Variants in DCP2 observed in about 807,000 individuals in gnomAD.
The protein encoded by DCP2 is m7GpppN-mRNA hydrolase.
In DCP2, 30 loss-of-function variants were observed where a neutral mutation model predicts 56.1. That is an observed-to-expected ratio of 0.53 (90% CI 0.40 to 0.73). DCP2 has a LOEUF of 0.73. Ranked by LOEUF, DCP2 falls within the 30% of genes least tolerant of loss-of-function variation. The probability of loss-of-function intolerance (pLI) is 0.00; values close to 1 mark genes in which losing one functional copy is unlikely to be tolerated. For synonymous variants in DCP2, 197 were observed against 163.3 expected, an observed-to-expected ratio of 1.21 and a Z score of -1.57; for missense variants, 533 against 502.7, an observed-to-expected ratio of 1.06 and a Z score of -0.58.
intron 1 of DCP2, among the ~76,000 whole-genome samples, chr5:112,978,635 G>T (rs1315072077): frequency 6.6e-6 from 1 of 151,552 alleles, no homozygotes; most frequent in Non-Finnish European, 1.5e-5. Context: ...TTGAAGTATG[G>T]TAGATTCAAA....
chr5:113,001,767 GA>G, intron 7 of DCP2, 93 bp downstream of exon 7: 1 of 1,208,900 alleles, frequency 8.3e-7, no homozygotes, highest in Non-Finnish European at 1.2e-6. Flanking sequence ...GAGGATGTAA[GA>G]TTTCTTTTTA....
At chr5:112,996,328 C>A (rs182760294) in intron 4 of DCP2, among the ~76,000 whole-genome samples, 4 of 152,112 alleles carry the variant, frequency 2.6e-5, no homozygotes, top group African/African-American at 4.8e-5. Flanking sequence ...CTTTTCATTT[C>A]CACTTGTATT....
chr5:112,980,455 G>T (rs909827467), intron 1 of DCP2, among the ~76,000 whole-genome samples: 1 of 152,168 alleles, frequency 6.6e-6, no homozygotes, highest in East Asian at 1.9e-4. Context: ...CTAATGTCCT[G>T]TTTGTAGGAA....
intron 1 of DCP2, among the ~76,000 whole-genome samples, chr5:112,982,149 A>G (rs555859601): frequency 1.3e-3 from 193 of 151,938 alleles, no homozygotes; most frequent in African/African-American, 3.9e-3. Context: ...TTTTTGCTTC[A>G]CATTTGGACT....
At chr5:112,977,510 C>G (rs557059758) in intron 1 of DCP2, among the ~76,000 whole-genome samples, 2 of 152,208 alleles carry the variant, frequency 1.3e-5, no homozygotes, top group African/African-American at 2.4e-5. Context: ...CCGTGGCGTT[C>G]TCTGTAAATT....
intron 8 of DCP2, among the ~76,000 whole-genome samples, 168 bp from the exon 9 acceptor site, chr5:113,007,770 C>A (rs896424229): frequency 6.6e-6 from 1 of 152,148 alleles, no homozygotes; most frequent in Non-Finnish European, 1.5e-5. Context: ...CTTTGGGAAG[C>A]ACTGACTTCT....
Position 113,018,365 on chromosome 5 carries a change from T to C in DCP2, c.*4881T>C, listed in dbSNP as rs1208286919. On this transcript the variant is annotated 3_prime_UTR_variant, in exon 11 of 11. Coordinates refer to ENST00000389063, the MANE Select transcript of DCP2 (RefSeq NM_152624.6). ...GTAATGAAATCACCAATAAAAACAT[T>C]CCATTTATCTTGGATCTTCTGTGGT... 1 of 152,180 alleles carries C rather than the reference T, an allele frequency of 6.6e-6. No homozygotes were observed. The highest frequency in any genetic ancestry group is 2.4e-5 in the African/African-American group (1 of 41,456). The allele number at this position is 152,180 out of a possible 1,614,324, so 9.4% of individuals were successfully genotyped here.
intron 2 of DCP2, among the ~76,000 whole-genome samples, chr5:112,988,251 G>C (rs1050085026): frequency 6.6e-6 from 1 of 151,626 alleles, no homozygotes; most frequent in African/African-American, 2.4e-5. Flanking sequence ...GGGAGGCCAA[G>C]GGGGGCGGAT....
intron 4 of DCP2, among the ~76,000 whole-genome samples, chr5:113,000,055 C>G (rs1749074082): frequency 8.9e-6 from 1 of 112,508 alleles, no homozygotes; most frequent in Non-Finnish European, 1.9e-5. Context: ...GAGCGAAACT[C>G]CATCTCAAAA....
intron 2 of DCP2, among the ~76,000 whole-genome samples, chr5:112,989,585 T>G (rs1006028504): frequency 6.6e-6 from 1 of 152,154 alleles, no homozygotes; most frequent in Non-Finnish European, 1.5e-5. Context: ...CTAAAACATG[T>G]AGGGGTCTTG....
intron 4 of DCP2, among the ~76,000 whole-genome samples, chr5:112,999,219 A>G (rs142870982): frequency 1.6e-4 from 25 of 152,360 alleles, no homozygotes; most frequent in Non-Finnish European, 3.7e-4. Context: ...ATGACTAGCT[A>G]TGTATACTTA....
In DCP2 at chr5:113,009,908, A is replaced by C. The variant is rs1048094456; in HGVS notation, c.1048-848A>C. On this transcript the variant is annotated intron_variant, in intron 9 of 10. Coordinates refer to ENST00000389063, the MANE Select transcript of DCP2 (RefSeq NM_152624.6). ...CTCTGGGTTGAGAAATGTAATGAAT[A>C]ATCTTTTTTTTCCTTTTTTTTTTTT... Among the ~76,000 whole-genome samples, 14 of 150,592 alleles carry C rather than the reference A, an allele frequency of 9.3e-5. No individual in the cohort carries two copies. The South Asian group carries it at 1.9e-3, about 20-fold the overall frequency.
intron 1 of DCP2, chr5:112,984,106 T>C (rs761745937): frequency 6.6e-6 from 1 of 151,936 alleles, no homozygotes; most frequent in Non-Finnish European, 1.5e-5. Flanking sequence ...CAGTGTAGAG[T>C]TGACAGATGT....
intron 2 of DCP2, among the ~76,000 whole-genome samples, chr5:112,991,792 A>T (rs912614165): frequency 3.3e-5 from 5 of 152,242 alleles, no homozygotes; most frequent in African/African-American, 1.2e-4. Context: ...CTAGGTGTTT[A>T]CATGGTCCAG....
At position 113,013,402 on chromosome 5, in the gene DCP2, A is replaced by G. The variant is rs774463566; in HGVS notation, c.1181A>G (p.His394Arg). ...GGACAGCCCGTGGCATGTAATGGAC[A>G]TTGCAAGTTCCCCTTTTCATCCAGA... is the stretch of plus-strand genomic sequence containing the variant. ...AEGQPVACNG[H>R]CKFPFSSRAF... The change falls in exon 11 of 11, where the codon CAT becomes CGT. Residue 394 changes from histidine to arginine, a missense_variant. Physicochemically the swap from His to Arg is conservative, Grantham distance 29. Coordinates refer to ENST00000389063, the MANE Select transcript of DCP2 (RefSeq NM_152624.6). The G allele has an allele frequency of 4.2e-5, 67 of 1,614,046 alleles. No homozygotes were observed. Among genetic ancestry groups the G allele is most frequent in the Non-Finnish European group, 5.2e-5 (61 of 1,180,010 alleles).
intron 4 of DCP2, among the ~76,000 whole-genome samples, chr5:112,997,427 A>G (rs751526543): frequency 1.1e-4 from 16 of 152,178 alleles, no homozygotes; most frequent in South Asian, 6.2e-4. Flanking sequence ...TTGGCAAAGC[A>G]GTGTTTTAGT....
intron 10 of DCP2, 73 bp downstream of exon 10, chr5:113,010,880 G>A (rs1749655913): frequency 1.4e-6 from 2 of 1,445,274 alleles, no homozygotes; most frequent in Non-Finnish European, 1.9e-6. Context: ...TTTGATTTTA[G>A]TGGGAGTATG....
At chr5:112,986,695 G>T (rs1475588853) in intron 2 of DCP2, among the ~76,000 whole-genome samples, 1 of 152,072 alleles carries the variant, frequency 6.6e-6, no homozygotes, top group Non-Finnish European at 1.5e-5. Context: ...TTTCAGTTGT[G>T]TGGCAAATAC....
At chr5:112,980,411 C>T (rs1343527164) in intron 1 of DCP2, among the ~76,000 whole-genome samples, 1 of 152,150 alleles carries the variant, frequency 6.6e-6, no homozygotes, top group African/African-American at 2.4e-5. Context: ...TTGAATTCAA[C>T]CGGAACATTT....
Sources: allele counts gnomAD v4.1 joint callset (sites outside exome capture counted in the v4.1 genomes callset), GRCh38; gene constraint gnomAD v4.1.1; transcripts MANE v1.5; gene names NCBI Gene and HGNC (gene_info 2026-07-23, HGNC 2026-07-21).